Variants in CEP126 observed in about 807,000 individuals in gnomAD.
The protein encoded by CEP126 is centrosomal protein of 126 kDa.
CEP126 carries 74 observed loss-of-function variants against 107.8 expected under a neutral mutation model. The ratio of observed to expected loss-of-function variants is 0.69; its 90% CI spans 0.57 to 0.83. The LOEUF (loss-of-function observed/expected upper bound fraction) is 0.83, where lower values mean the gene tolerates loss of function less well. Ranked by LOEUF, CEP126 falls within the 40% of genes least tolerant of loss-of-function variation. The pLI is 0.00. For synonymous variants in CEP126, 449 were observed against 446.0 expected (o/e 1.01, Z -0.08); for missense variants, 1,237 against 1,281.9 (o/e 0.96, Z 0.53).
At chr11:101,981,648 C>A (rs1210717889) in intron 7 of CEP126, among the ~76,000 whole-genome samples, 1 of 152,032 alleles carries the variant, frequency 6.6e-6, no homozygotes, top group Non-Finnish European at 1.5e-5. Flanking sequence ...ATATCCAGGA[C>A]AATATCATAA....
chr11:101,920,634 C>T lies in CEP126; in HGVS notation c.129-2007C>T, dbSNP rs182208653. Among the ~76,000 whole-genome samples the T allele has an allele frequency of 2.3e-3, 336 of 148,970 alleles. 1 individual carries two copies. Among genetic ancestry groups the T allele is most frequent in the African/African-American group, 8.1e-3 (328 of 40,408 alleles). ...TTTTTTTTTTTTTGAGACAGAGTCT[C>T]GCTGTGTTGCCCAGGCTGGAGTATA... On this transcript the variant is annotated intron_variant, in intron 1 of 10. Transcript: ENST00000263468.
chr11:101,957,501 G>A (rs1940914763), intron 4 of CEP126, among the ~76,000 whole-genome samples: 1 of 152,156 alleles, frequency 6.6e-6, no homozygotes, highest in Admixed American at 6.6e-5. Flanking sequence ...CACTGAAAAT[G>A]TTTGGATGGC....
intron 6 of CEP126, among the ~76,000 whole-genome samples, chr11:101,969,648 A>C (rs556472199): frequency 6.6e-6 from 1 of 152,254 alleles, no homozygotes. Context: ...TTTATATGGA[A>C]ATGCAAAGGC....
chr11:101,940,642 A>G (rs942419069), intron 2 of CEP126, among the ~76,000 whole-genome samples: 1 of 152,186 alleles, frequency 6.6e-6, no homozygotes, highest in Non-Finnish European at 1.5e-5. Flanking sequence ...GACATCCAAG[A>G]TGGTTTCTTC....
rs145606538 is a variant in CEP126 at position 101,915,297 on chromosome 11, A to G, written c.13A>G (p.Arg5Gly). 2 of 1,613,404 alleles carry G rather than the reference A, an allele frequency of 1.2e-6. No homozygotes were observed. Among genetic ancestry groups the G allele is most frequent in the African/African-American group, 1.3e-5 (1 of 75,030 alleles). MLAG[R>G]PGTRSAVGEL... ...GCTGAAGTGAAGGATGCTGGCGGGG[A>G]GGCCCGGAACCCGGAGCGCGGTCGG... Residue 5 changes from arginine to glycine, a missense_variant, in exon 1 of 11, where the codon AGG (arginine) becomes GGG (glycine). Transcript: ENST00000263468.
intron 2 of CEP126, among the ~76,000 whole-genome samples, chr11:101,927,364 T>A (rs535363560): frequency 6.6e-6 from 1 of 152,308 alleles, no homozygotes; most frequent in East Asian, 1.9e-4. Flanking sequence ...TAATTGTAGA[T>A]TCACAGGCAA....
chr11:101,955,952 T>C, intron 4 of CEP126: 1 of 456,458 alleles, frequency 2.2e-6, no homozygotes, highest in South Asian at 1.5e-5. Flanking sequence ...TATCCATCCA[T>C]CTGTACCCTC....
At chr11:101,974,253 C>CG (rs2137121643) in intron 6 of CEP126, among the ~76,000 whole-genome samples, 1 of 152,252 alleles carries the variant, frequency 6.6e-6, no homozygotes, top group African/African-American at 2.4e-5. Context: ...TACTGCTATA[C>CG]TCTGTGTCAT....
intron 4 of CEP126, among the ~76,000 whole-genome samples, chr11:101,957,150 A>G (rs1160572436): frequency 6.6e-6 from 1 of 152,166 alleles, no homozygotes; most frequent in East Asian, 1.9e-4. Flanking sequence ...TAATCTAGTA[A>G]TCATTGACCT....
intron 2 of CEP126, among the ~76,000 whole-genome samples, chr11:101,934,330 A>G (rs968510739): frequency 4.6e-5 from 7 of 151,972 alleles, no homozygotes; most frequent in African/African-American, 1.7e-4. Flanking sequence ...AACTTCACGC[A>G]TTCAATGGCA....
At chr11:101,926,372 T>G (rs1272767834) in intron 2 of CEP126, among the ~76,000 whole-genome samples, 1 of 152,214 alleles carries the variant, frequency 6.6e-6, no homozygotes, top group Non-Finnish European at 1.5e-5. Flanking sequence ...ACAAAAGTTG[T>G]ATGTGGCTGA....
chr11:101,938,682 T>C (rs1940626726), intron 2 of CEP126, among the ~76,000 whole-genome samples: 1 of 152,096 alleles, frequency 6.6e-6, no homozygotes, highest in Non-Finnish European at 1.5e-5. Flanking sequence ...CACCCCCTTC[T>C]CTACAAAAAA....
chr11:101,961,648 G>C, intron 5 of CEP126, 93 bp from the exon 6 acceptor site: 1 of 648,088 alleles, frequency 1.5e-6, no homozygotes, highest in Non-Finnish European at 2.6e-6. Context: ...TATATGCAAG[G>C]AGAATTGGGC....
intron 10 of CEP126, among the ~76,000 whole-genome samples, chr11:101,997,315 C>T (rs918117216): frequency 7.2e-5 from 11 of 152,184 alleles, no homozygotes; most frequent in South Asian, 2.1e-4. Context: ...GGATTACAGG[C>T]GTTAGCCACT....
Position 101,948,117 on chromosome 11 carries a change from TC to T in CEP126, c.484del (p.Arg162ValfsTer5). On this transcript the variant is annotated frameshift_variant, in exon 4 of 11. Transcript: ENST00000263468. LOFTEE classifies it high-confidence loss of function. ...AAAATCAGAAGTAAACCTTCCCTTT[TC>T]CCGTAGACCAACAATAAACTGGAGG... is the stretch of plus-strand genomic sequence containing the variant. ...NLKSEVNLPF[S>X]RRPTINWRAI... 1 of 1,607,396 alleles carries T rather than the reference TC, an allele frequency of 6.2e-7. No homozygotes were observed. Among genetic ancestry groups the T allele is most frequent in the Non-Finnish European group, 8.5e-7 (1 of 1,174,622 alleles).
At chr11:101,936,631 T>G (rs900290726) in intron 2 of CEP126, among the ~76,000 whole-genome samples, 1 of 152,168 alleles carries the variant, frequency 6.6e-6, no homozygotes, top group Admixed American at 6.5e-5. Flanking sequence ...GTAACCCTCT[T>G]TGCCTTATAC....
chr11:101,950,419 A>T (rs575870284), intron 4 of CEP126, among the ~76,000 whole-genome samples: 1 of 152,340 alleles, frequency 6.6e-6, no homozygotes, highest in Admixed American at 6.5e-5. Flanking sequence ...GTAGAGTAGG[A>T]TACAAAAGTA....
intron 4 of CEP126, among the ~76,000 whole-genome samples, chr11:101,955,051 G>A (rs994177163): frequency 2.0e-5 from 3 of 152,016 alleles, no homozygotes; most frequent in Non-Finnish European, 4.4e-5. Context: ...GTTAGTGGTA[G>A]ATAAAAATAA....
At chr11:101,981,293 A>G (rs1437335492) in intron 7 of CEP126, among the ~76,000 whole-genome samples, 2 of 152,066 alleles carry the variant, frequency 1.3e-5, no homozygotes, top group Admixed American at 1.3e-4. Context: ...TTCTTTAATT[A>G]GCACTTTTTT....
Sources: gnomAD v4.1 joint callset for allele counts (sites outside exome capture counted in the v4.1 genomes callset) on GRCh38, gnomAD v4.1.1 for gene constraint, MANE v1.5 for transcripts, NCBI Gene and HGNC (gene_info 2026-07-23, HGNC 2026-07-21) for gene names.